Variants in CFAP20DC observed in about 807,000 individuals in gnomAD.
CFAP20DC encodes CFAP20 domain containing, also known as protein CFAP20DC.
Under a neutral mutation model 101.7 loss-of-function variants are expected in CFAP20DC, and 84 were observed. The observed-to-expected ratio is 0.83, with a 90% CI of 0.69 to 0.99. The LOEUF (loss-of-function observed/expected upper bound fraction) is 0.99, where lower values mean the gene tolerates loss of function less well. Ranked by LOEUF, CFAP20DC falls within the 50% of genes least tolerant of loss-of-function variation. The probability of loss-of-function intolerance (pLI) is 0.00; values close to 1 mark genes in which losing one functional copy is unlikely to be tolerated. For synonymous variants in CFAP20DC, 359 were observed against 351.2 expected (o/e 1.02, Z -0.25); for missense variants, 1,007 against 970.3 (o/e 1.04, Z -0.50).
chr3:58,723,230 C>T lies in CFAP20DC; in HGVS notation c.198-5602G>A, dbSNP rs542365397. On this transcript the variant is annotated intron_variant, in intron 3 of 3. Transcript: ENST00000486145. ...AATTGCTTATAGTAAGATTTTTTCCCCTTGAATGCTGTAGCAGCAGATGGG... is the reference window on the plus strand; with the variant it reads ...AATTGCTTATAGTAAGATTTTTTCCTCTTGAATGCTGTAGCAGCAGATGGG... Among the ~76,000 whole-genome samples, 72 of 152,200 alleles carry T rather than the reference C, an allele frequency of 4.7e-4. 1 individual carries two copies. The highest frequency in any genetic ancestry group is 3.7e-3 in the South Asian group (18 of 4,818).
chr3:59,020,928 A>C (rs1440625305), intron 4 of CFAP20DC, among the ~76,000 whole-genome samples: 3 of 152,094 alleles, frequency 2.0e-5, no homozygotes, highest in African/African-American at 7.2e-5. Context: ...GCTATGTATG[A>C]AATTTTGTAA....
At chr3:58,817,924 A>T (rs2075321009) in intron 14 of CFAP20DC, among the ~76,000 whole-genome samples, 1 of 150,940 alleles carries the variant, frequency 6.6e-6, no homozygotes, top group Non-Finnish European at 1.5e-5. Flanking sequence ...GAAGCCCATC[A>T]GACTAACAGC....
intron 4 of CFAP20DC, among the ~76,000 whole-genome samples, chr3:59,023,685 T>C (rs543004889): frequency 1.3e-5 from 2 of 152,240 alleles, no homozygotes; most frequent in Admixed American, 6.5e-5. Context: ...TCCTAATTTT[T>C]TTCCTACGGA....
intron 4 of CFAP20DC, among the ~76,000 whole-genome samples, chr3:58,943,177 C>T (rs146717148): frequency 3.8e-4 from 58 of 152,286 alleles, no homozygotes; most frequent in Admixed American, 2.0e-3. Flanking sequence ...TCCTGCCTGC[C>T]GGCTCTGAAG....
intron 13 of CFAP20DC, among the ~76,000 whole-genome samples, chr3:58,845,304 G>C (rs1006175191): frequency 5.9e-5 from 9 of 151,742 alleles, no homozygotes; most frequent in Non-Finnish European, 1.2e-4. Context: ...GAATCAAATA[G>C]ATGCAATAAA....
chr3:59,005,678 TACATA>T (rs1576676237), intron 4 of CFAP20DC, among the ~76,000 whole-genome samples: 1 of 152,306 alleles, frequency 6.6e-6, no homozygotes, highest in East Asian at 1.9e-4. Context: ...CAATAACTGT[TACATA>T]ACTATCATTA....
At chr3:58,745,496 CCT>C (rs1425123360) in intron 16 of CFAP20DC, among the ~76,000 whole-genome samples, 2 of 152,102 alleles carry the variant, frequency 1.3e-5, no homozygotes, top group Non-Finnish European at 2.9e-5. Context: ...CTGCTTACTG[CCT>C]AAAGCTGGCT....
intron 4 of CFAP20DC, chr3:59,018,576 A>G (rs1348614198): frequency 6.6e-6 from 1 of 152,108 alleles, no homozygotes; most frequent in East Asian, 1.9e-4. Flanking sequence ...TCTAATCCTA[A>G]GAAAACATCA....
chr3:58,994,673 T>G (rs1225225245), intron 4 of CFAP20DC, among the ~76,000 whole-genome samples: 3 of 152,190 alleles, frequency 2.0e-5, no homozygotes, highest in African/African-American at 7.2e-5. Context: ...AATCATCAAA[T>G]TATAATTTCC....
At chr3:59,039,913 G>T (rs1175866420) in intron 3 of CFAP20DC, among the ~76,000 whole-genome samples, 1 of 151,620 alleles carries the variant, frequency 6.6e-6, no homozygotes, top group Non-Finnish European at 1.5e-5. Context: ...TTTTTATTAG[G>T]TTGCAAGAGA....
At chr3:58,761,020 G>C (rs1006502852) in intron 15 of CFAP20DC, among the ~76,000 whole-genome samples, 6 of 152,292 alleles carry the variant, frequency 3.9e-5, no homozygotes, top group African/African-American at 1.4e-4. Flanking sequence ...TCTCTGCCAG[G>C]CTTTGGTATC....
rs1296604181 is a variant in CFAP20DC at position 58,729,199 on chromosome 3, G to A, written c.198-11571C>T. 6.6e-6 allele frequency among the ~76,000 whole-genome samples: 1 copy of A among 152,148 alleles called. No homozygotes were observed. The highest frequency in any genetic ancestry group is 1.5e-5 in the Non-Finnish European group (1 of 68,034). On this transcript the variant is annotated intron_variant, in intron 3 of 3. Coordinates refer to the CFAP20DC transcript ENST00000486145. The surrounding 1 kb of genome is among the most constrained non-coding windows in gnomAD (Gnocchi z 4.4). ...GTTTATTCTTATTTTAAGCAACTAA[G>A]TTTTAGGGTAATGTGTTATGCAGCA...
In CFAP20DC at chr3:58,742,533, A is replaced by T; in HGVS notation, c.2372T>A (p.Leu791Gln). The change falls in exon 17 of 17, where the codon CTG becomes CAG. Residue 791 changes from leucine (L) to glutamine (Q), a missense_variant. Physicochemically the swap from Leu to Gln is moderately radical, Grantham distance 113. Transcript: ENST00000482387. ...DLSVEEDEEVLTLLYDPCLNC... is the reference protein window; with the variant it reads ...DLSVEEDEEVQTLLYDPCLNC... ...CAGACAAGGGTCATACAACAAAGTC[A>T]GTACTTCCTCGTCCTCTTCCACACT... is the stretch of plus-strand genomic sequence containing the variant. The T allele has an allele frequency of 4.4e-6, 7 of 1,608,992 alleles. No homozygotes were observed. The highest frequency in any genetic ancestry group is 5.9e-6 in the Non-Finnish European group (7 of 1,177,638).
chr3:58,939,551 C>T (rs111325697), intron 4 of CFAP20DC, among the ~76,000 whole-genome samples: 185 of 151,964 alleles, frequency 1.2e-3, no homozygotes, highest in African/African-American at 4.2e-3. Context: ...CTCCACCTCC[C>T]GGGTTCACGC....
At chr3:58,830,622 C>T (rs970399959) in intron 14 of CFAP20DC, among the ~76,000 whole-genome samples, 4 of 152,050 alleles carry the variant, frequency 2.6e-5, no homozygotes, top group Admixed American at 6.6e-5. Flanking sequence ...CTAACTTATC[C>T]GCGTCAACTA....
intron 4 of CFAP20DC, among the ~76,000 whole-genome samples, chr3:58,956,285 C>A (rs1197478274): frequency 6.6e-6 from 1 of 151,890 alleles, no homozygotes; most frequent in African/African-American, 2.4e-5. Context: ...CTTCCCTAGG[C>A]CAGAGGGGAG....
intron 12 of CFAP20DC, among the ~76,000 whole-genome samples, chr3:58,853,882 T>C (rs1341851377): frequency 1.3e-5 from 2 of 151,770 alleles, no homozygotes; most frequent in Non-Finnish European, 1.5e-5. Context: ...AATATCATAC[T>C]GAATGGGCAA....
At chr3:58,982,391 G>T (rs1421881993) in intron 4 of CFAP20DC, among the ~76,000 whole-genome samples, 2 of 152,074 alleles carry the variant, frequency 1.3e-5, no homozygotes, top group African/African-American at 4.8e-5. Flanking sequence ...AAATCTTGCT[G>T]TTATAAAGAC....
Position 58,863,947 on chromosome 3 carries a change from TTTTA to T in CFAP20DC, c.1259-59_1259-56del. 3 of 1,457,824 alleles carry T rather than the reference TTTTA, an allele frequency of 2.1e-6. No homozygotes were observed. The highest frequency in any genetic ancestry group is 1.8e-6 in the Non-Finnish European group (2 of 1,098,510). The allele number at this position is 1,457,824 out of a possible 1,614,324, so 90.3% of individuals were successfully genotyped here. On this transcript the variant is annotated intron_variant, in intron 11 of 16. Coordinates refer to ENST00000482387, the MANE Select transcript of CFAP20DC (RefSeq NM_001394063.1). The surrounding 1 kb of genome is among the most constrained non-coding windows in gnomAD (Gnocchi z 5.9). Reference sequence around the variant, plus strand: ...GAGCAGTAATCCATAAAAGTGTTATTTTTATTTATTTATTTTTAGTTTTAGTTTT... The same window carrying T: ...GAGCAGTAATCCATAAAAGTGTTATTTTTATTTATTTTTAGTTTTAGTTTT...
Sources: allele counts gnomAD v4.1 joint callset (sites outside exome capture counted in the v4.1 genomes callset), GRCh38; gene constraint gnomAD v4.1.1; non-coding constraint Gnocchi (gnomAD v3.1); transcripts MANE v1.5; gene names NCBI Gene and HGNC (gene_info 2026-07-23, HGNC 2026-07-21).